The following PHYKPL variants were observed in gnomAD, a reference collection of about 807,000 sequenced individuals.
The protein encoded by PHYKPL is 5-phosphonooxy-L-lysine phospho-lyase.
PHYKPL carries 42 observed loss-of-function variants against 51.3 expected under a neutral mutation model. The observed-to-expected ratio is 0.82, with a 90% CI of 0.64 to 1.06. The LOEUF (loss-of-function observed/expected upper bound fraction) is 1.06, where lower values mean the gene tolerates loss of function less well. PHYKPL is among the 50% of genes least tolerant of loss of function. The pLI, the probability that PHYKPL is intolerant of heterozygous loss-of-function variation, is 0.00. For synonymous variants in PHYKPL, 264 were observed against 236.0 expected (o/e 1.12, Z -1.09); for missense variants, 655 against 586.6 (o/e 1.12, Z -1.20).
At position 178,214,896 on chromosome 5, in the gene PHYKPL, A is replaced by AGGTGACG; in HGVS notation, c.1083-18_1083-12dup. 1 of 1,612,726 alleles carries AGGTGACG rather than the reference A, an allele frequency of 6.2e-7. No homozygotes were observed. The highest frequency in any genetic ancestry group is 8.5e-7 in the Non-Finnish European group (1 of 1,179,666). On this transcript the variant is annotated splice_polypyrimidine_tract_variant and intron_variant, in intron 9 of 12. Transcript: ENST00000308158. ...AAGAGCCCAACACCCCTGCAAGGGA[A>AGGTGACG]GGTGACGACATCTCAGGAGGCCAGG...
At chr5:178,212,581 C>T (rs1426680883) in intron 11 of PHYKPL, among the ~76,000 whole-genome samples, 5 of 152,198 alleles carry the variant, frequency 3.3e-5, no homozygotes, top group Admixed American at 6.5e-5. Context: ...ACCCAGCAGC[C>T]TTGTGTGACC....
At chr5:178,232,120 G>A (rs896899276) in intron 1 of PHYKPL, 34 of 1,190,550 alleles carry the variant, frequency 2.9e-5, no homozygotes, top group Non-Finnish European at 3.5e-5. Flanking sequence ...AGGCCCAGGT[G>A]CTGCTGACGG....
rs1359170981 is a variant in PHYKPL at position 178,214,837 on chromosome 5, T to C, written c.1131A>G (p.Thr377=). Residue 377 remains threonine (T), a synonymous_variant, in exon 10 of 13, where the codon ACA becomes ACG. Coordinates refer to ENST00000308158, the MANE Select transcript of PHYKPL (RefSeq NM_153373.4). ...IGVDLIKDEA[T]RTPATEEAAY... ...CAGCCTCTTCAGTTGCTGGTGTCCT[T>C]GTGGCCTCATCTTTGATCAGATCCA... 1 of 1,613,422 alleles carries C rather than the reference T, an allele frequency of 6.2e-7. No homozygotes were observed.
chr5:178,229,843 T>G (rs1763024729), intron 3 of PHYKPL, 97 bp downstream of exon 3: 1 of 1,481,246 alleles, frequency 6.8e-7, no homozygotes, highest in Admixed American at 1.8e-5. Context: ...CCTCTCCGAG[T>G]CCACACTCGG....
chr5:178,231,887 G>A, intron 1 of PHYKPL: 1 of 1,315,004 alleles, frequency 7.6e-7, no homozygotes, highest in Non-Finnish European at 1.0e-6. Context: ...ATGGGCCAGG[G>A]CACCAACATT....
rs771911281 is a variant in PHYKPL, at chr5:178,213,074, G to A, written c.1202C>T (p.Thr401Ile). The change falls in exon 11 of 13, where the codon ACT becomes ATT. Residue 401 changes from threonine (T) to isoleucine (I), a missense_variant. Transcript: ENST00000308158. ...RLKENYVLLS[T>I]DGPGRNILKF... ...CAGGATGTTCCTCCCAGGGCCATCA[G>A]TGCTCAGCAAAACGTAGTTCTCCTT... The A allele has an allele frequency of 6.2e-6, 10 of 1,614,228 alleles. No individual in the cohort carries two copies. In the Admixed American group the frequency reaches 1.5e-4, roughly 24 times the overall value.
intron 1 of PHYKPL, chr5:178,232,278 C>T (rs1561759288): frequency 2.4e-6 from 3 of 1,238,876 alleles, no homozygotes; most frequent in East Asian, 3.5e-5. Context: ...GTCGGGGAGG[C>T]GGCCCCGGAG....
At chr5:178,207,617 A>G (rs1757131680), downstream of PHYKPL, among the ~76,000 whole-genome samples, 2 of 150,838 alleles carry the variant, frequency 1.3e-5, no homozygotes, top group East Asian at 3.9e-4. Context: ...TCTGTGGTGA[A>G]GTTTTTCTTA....
intron 8 of PHYKPL, among the ~76,000 whole-genome samples, chr5:178,219,150 A>G (rs1760573767): frequency 6.6e-6 from 1 of 152,232 alleles, no homozygotes; most frequent in Admixed American, 6.5e-5. Context: ...GTAGGGAGAG[A>G]TATCTTAAAC....
intron 4 of PHYKPL, 80 bp from the exon 5 acceptor site, chr5:178,224,809 C>G: frequency 8.8e-7 from 1 of 1,140,794 alleles, no homozygotes; most frequent in Non-Finnish European, 1.3e-6. Flanking sequence ...TCTCCCCACC[C>G]CTGAAGACAC....
intron 12 of PHYKPL, chr5:178,209,434 TGGTGGA>T: frequency 2.7e-5 from 43 of 1,613,510 alleles, no homozygotes; most frequent in Middle Eastern, 1.7e-4. Context: ...GCGGAGGTGG[TGGTGGA>T]GGTGGAGGTG....
intron 8 of PHYKPL, among the ~76,000 whole-genome samples, chr5:178,217,834 G>A (rs1760168842): frequency 6.7e-6 from 1 of 150,306 alleles, no homozygotes; most frequent in Non-Finnish European, 1.5e-5. Context: ...CTCCAGCCTG[G>A]GCGACAGAGC....
intron 2 of PHYKPL, 24 bp from the exon 3 acceptor site, chr5:178,230,123 C>T (rs1447587732): frequency 1.2e-6 from 2 of 1,611,928 alleles, no homozygotes; most frequent in South Asian, 1.1e-5. Context: ...GCCTCCGTCA[C>T]ACGGCTGGCT....
chr5:178,211,783 G>A (rs1406225826), intron 12 of PHYKPL, 107 bp downstream of exon 12: 7 of 721,818 alleles, frequency 9.7e-6, no homozygotes, highest in Non-Finnish European at 1.7e-5. Flanking sequence ...GCATCAGTCA[G>A]AACAAAAAAA....
Position 178,213,087 on chromosome 5 carries a change from CGT to C in PHYKPL, c.1187_1188del (p.Tyr396CysfsTer6). The C allele has an allele frequency of 6.2e-7, 1 of 1,614,158 alleles. No homozygotes were observed. The highest frequency in any genetic ancestry group is 8.5e-7 in the Non-Finnish European group (1 of 1,179,992). On this transcript the variant is annotated frameshift_variant, in exon 11 of 13. Transcript: ENST00000308158. LOFTEE classifies it high-confidence loss of function. ...AYLVSRLKENYVLLSTDGPGR... is the reference protein window; with the variant it reads ...AYLVSRLKENXVLLSTDGPGR... ...CCAGGGCCATCAGTGCTCAGCAAAA[CGT>C]AGTTCTCCTTCAGCCTGTGAGGACA...
At chr5:178,215,554 C>G in intron 8 of PHYKPL, 124 bp from the exon 9 acceptor site, 4 of 1,178,352 alleles carry the variant, frequency 3.4e-6, no homozygotes, top group Non-Finnish European at 4.7e-6. Context: ...AGGCCCCAAA[C>G]CCCTTAGGGC....
intron 12 of PHYKPL, chr5:178,210,885 G>GCT: frequency 1.9e-6 from 1 of 522,028 alleles, no homozygotes; most frequent in Non-Finnish European, 3.4e-6. Flanking sequence ...CAGGTGGGAG[G>GCT]CTCTGCTTCC....
chr5:178,215,858 C>CA, intron 8 of PHYKPL: 1 of 162,888 alleles, frequency 6.1e-6, no homozygotes, highest in Admixed American at 6.3e-5. Context: ...TGCTTCACAC[C>CA]CCTGGAGGGC....
At chr5:178,217,852 C>T (rs535218288) in intron 8 of PHYKPL, among the ~76,000 whole-genome samples, 215 of 144,404 alleles carry the variant, frequency 1.5e-3, no homozygotes, top group African/African-American at 5.4e-3. Flanking sequence ...AGCGAGACTC[C>T]GTCTCAGAAA....
Sources: allele counts gnomAD v4.1 joint callset (sites outside exome capture counted in the v4.1 genomes callset), GRCh38; gene constraint gnomAD v4.1.1; transcripts MANE v1.5; gene names NCBI Gene and HGNC (gene_info 2026-07-23, HGNC 2026-07-21).